The following ATRNL1 variants were observed in gnomAD, a reference collection of about 807,000 sequenced individuals.
ATRNL1 encodes the protein attractin like 1.
ATRNL1 carries 95 observed loss-of-function variants against 182.7 expected under a neutral mutation model. The observed-to-expected ratio is 0.52, with a 90% CI of 0.44 to 0.62. The LOEUF (loss-of-function observed/expected upper bound fraction) is 0.62, where lower values mean the gene tolerates loss of function less well. ATRNL1 is among the 20% of genes least tolerant of loss of function. ATRNL1 has a pLI of 0.00. For synonymous variants in ATRNL1, 576 were observed against 568.3 expected (o/e 1.01, Z -0.19); for missense variants, 1,471 against 1,679.5 (o/e 0.88, Z 2.17).
rs372260650 is a variant in ATRNL1 at position 115,210,809 on chromosome 10, A to G, written c.1349-4888A>G. On this transcript the variant is annotated intron_variant, in intron 8 of 28. Transcript: ENST00000355044. The stretch of plus-strand genomic sequence containing the variant: ...GGTTGGTCTGTGTGTTAAAATATAT[A>G]TATTTGACTTATCACAGTCTACTGG... 8.0e-4 allele frequency among the ~76,000 whole-genome samples: 121 copies of G among 151,954 alleles called. 2 individuals carry two copies. In the South Asian group the frequency reaches 0.024, roughly 30 times the overall value.
intron 27 of ATRNL1, among the ~76,000 whole-genome samples, chr10:115,746,120 A>C (rs1439484951): frequency 6.6e-6 from 1 of 152,114 alleles, no homozygotes; most frequent in Non-Finnish European, 1.5e-5. Context: ...ATATCACTCA[A>C]CTTCGAGAAC....
At chr10:115,865,067 C>A (rs1280196583) in intron 28 of ATRNL1, among the ~76,000 whole-genome samples, 1 of 151,682 alleles carries the variant, frequency 6.6e-6, no homozygotes, top group Non-Finnish European at 1.5e-5. Flanking sequence ...TCAAAAGTGC[C>A]AAGGTCATAA....
At chr10:115,716,487 G>C (rs1555056367) in intron 26 of ATRNL1, among the ~76,000 whole-genome samples, 1 of 152,232 alleles carries the variant, frequency 6.6e-6, no homozygotes, top group East Asian at 1.9e-4. Flanking sequence ...TACACTAAAT[G>C]AAAAAGCTAA....
At chr10:115,402,139 A>G (rs1156743949) in intron 20 of ATRNL1, among the ~76,000 whole-genome samples, 1 of 152,162 alleles carries the variant, frequency 6.6e-6, no homozygotes, top group Non-Finnish European at 1.5e-5. Context: ...TTCAATTTAC[A>G]TGATAGTTGC....
In ATRNL1 at chr10:115,946,979, C is replaced by T. The variant is rs1222996635; in HGVS notation, c.*2200C>T. ...TATCAAGTTTTATTCACCTCAAATC[C>T]CACTGGGTTCTTAAAACTTGAAAAT... On this transcript the variant is annotated 3_prime_UTR_variant, in exon 29 of 29. Coordinates refer to ENST00000355044, the MANE Select transcript of ATRNL1 (RefSeq NM_207303.4). 1 of 152,386 alleles carries T rather than the reference C, an allele frequency of 6.6e-6. No individual in the cohort carries two copies. The highest frequency in any genetic ancestry group is 1.5e-5 in the Non-Finnish European group (1 of 67,990). The allele number at this position is 152,386 out of a possible 1,614,324, so 9.4% of individuals were successfully genotyped here.
rs199703879 is a variant in ATRNL1, at chr10:115,215,783, A to G, written c.1435A>G (p.Lys479Glu). The G allele has an allele frequency of 9.9e-6, 16 of 1,609,890 alleles. No homozygotes were observed. Among genetic ancestry groups the G allele is most frequent in the Non-Finnish European group, 1.4e-5 (16 of 1,178,386 alleles). ...GHTSVYDEIT[K>E]SIYVHGGYKA... is the part of the protein sequence containing the mutation. The stretch of plus-strand genomic sequence containing the variant: ...TACTAGTGTGTATGATGAAATAACA[A>G]AGTCCATTTATGTTCATGGAGGGTA... Residue 479 changes from lysine to glutamate, a missense_variant, in exon 9 of 29, where the codon AAG (lysine) becomes GAG (glutamate). Around this residue, in one of 3 missense-constraint regions of ATRNL1, gnomAD observed 1,031 missense variants for 1,156.0 expected, o/e 0.89. Coordinates refer to ENST00000355044, the MANE Select transcript of ATRNL1 (RefSeq NM_207303.4).
intron 1 of ATRNL1, chr10:115,096,520 C>G: frequency 2.1e-6 from 1 of 472,474 alleles, no homozygotes; most frequent in Non-Finnish European, 3.6e-6. Context: ...TCTTGAAAAT[C>G]TTTTTCTAAA....
chr10:115,415,734 T>A (rs1292740572), intron 20 of ATRNL1, among the ~76,000 whole-genome samples: 1 of 151,960 alleles, frequency 6.6e-6, no homozygotes, highest in Non-Finnish European at 1.5e-5. Context: ...AGAGTTTTAT[T>A]TTGTTTATGG....
chr10:115,640,026 A>G (rs1262621323), intron 26 of ATRNL1, among the ~76,000 whole-genome samples: 1 of 151,958 alleles, frequency 6.6e-6, no homozygotes, highest in Non-Finnish European at 1.5e-5. Flanking sequence ...CAACTCGAAC[A>G]TCCCGTGTTT....
At chr10:115,627,549 A>T (rs928698260) in intron 26 of ATRNL1, among the ~76,000 whole-genome samples, 14 of 152,000 alleles carry the variant, frequency 9.2e-5, no homozygotes, top group African/African-American at 3.4e-4. Flanking sequence ...TATTTTTAAT[A>T]GAGACAGGGT....
chr10:115,327,161 G>A lies in ATRNL1; in HGVS notation c.3038-7121G>A, dbSNP rs1304687363. Among the ~76,000 whole-genome samples the A allele has an allele frequency of 3.0e-4, 46 of 151,750 alleles. No homozygotes were observed. In the East Asian group the frequency reaches 7.2e-3, roughly 24 times the overall value. On this transcript the variant is annotated intron_variant, in intron 18 of 28. Coordinates refer to ENST00000355044, the MANE Select transcript of ATRNL1 (RefSeq NM_207303.4). ...AGTGAACAGGCAACCTACAAAATGG[G>A]AGAAAGTTTTCGCAACCTACTCATC...
intron 28 of ATRNL1, among the ~76,000 whole-genome samples, chr10:115,879,851 G>A (rs539840146): frequency 9.2e-5 from 14 of 152,226 alleles, no homozygotes; most frequent in East Asian, 7.7e-4. Context: ...GGGGAGCCTC[G>A]GAGAGGCTGT....
intron 20 of ATRNL1, among the ~76,000 whole-genome samples, chr10:115,423,907 C>G (rs1554962378): frequency 3.3e-5 from 5 of 151,894 alleles, no homozygotes; most frequent in African/African-American, 1.2e-4. Context: ...AAAGCACAGG[C>G]AACAAAAGCA....
intron 26 of ATRNL1, among the ~76,000 whole-genome samples, chr10:115,617,622 T>C (rs1857508966): frequency 6.6e-6 from 1 of 151,964 alleles, no homozygotes; most frequent in Non-Finnish European, 1.5e-5. Context: ...CCTCCCAAGG[T>C]GCTGGGATTA....
chr10:115,596,991 A>G (rs1234110761), intron 26 of ATRNL1, among the ~76,000 whole-genome samples: 1 of 44,566 alleles, frequency 2.2e-5, no homozygotes, highest in African/African-American at 5.0e-5. Flanking sequence ...AAAAAAGGTT[A>G]AAAAAAATCC....
At chr10:115,376,158 T>G (rs1554949470) in intron 19 of ATRNL1, among the ~76,000 whole-genome samples, 1 of 152,166 alleles carries the variant, frequency 6.6e-6, no homozygotes, top group Non-Finnish European at 1.5e-5. Context: ...ATCATCCTTC[T>G]TCCTCCTGTT....
At chr10:115,397,006 G>A (rs1844321111) in intron 20 of ATRNL1, among the ~76,000 whole-genome samples, 1 of 151,772 alleles carries the variant, frequency 6.6e-6, no homozygotes, top group African/African-American at 2.4e-5. Context: ...GTATTTTGTA[G>A]GTGGTATTTG....
chr10:115,728,542 G>C lies in ATRNL1; in HGVS notation c.3903+1187G>C, dbSNP rs191679896. 2.5e-3 allele frequency among the ~76,000 whole-genome samples: 385 copies of C among 151,786 alleles called. 1 individual carries two copies. The highest frequency in any genetic ancestry group is 3.4e-3 in the Non-Finnish European group (228 of 67,898). ...TTGCCATTTTCAGATTTTACTTTTT[G>C]TCAAGGAAAATAAAGAATGGAAAAA... is the stretch of plus-strand genomic sequence containing the variant. On this transcript the variant is annotated intron_variant, in intron 27 of 28. Transcript: ENST00000355044.
chr10:115,162,480 G>A lies in ATRNL1; in HGVS notation c.1004+2266G>A, dbSNP rs931593406. ...TGCAATTTGCATGGAATATATGAGA[G>A]GGATACATTAAATTAGAGTGATAAC... On this transcript the variant is annotated intron_variant, in intron 6 of 28. Coordinates refer to ENST00000355044, the MANE Select transcript of ATRNL1 (RefSeq NM_207303.4). Among the ~76,000 whole-genome samples, 3 of 151,832 alleles carry A rather than the reference G, an allele frequency of 2.0e-5. No homozygotes were observed. The East Asian group carries it at 5.8e-4, about 29-fold the overall frequency.
Sources: gnomAD v4.1 joint callset for allele counts (sites outside exome capture counted in the v4.1 genomes callset) on GRCh38, gnomAD v4.1.1 for gene constraint, gnomAD v4.1.1 regional missense constraint, MANE v1.5 for transcripts, NCBI Gene and HGNC (gene_info 2026-07-23, HGNC 2026-07-21) for gene names.